Variants in SHLD2 observed in about 807,000 individuals in gnomAD.
SHLD2 encodes the protein RINN1-REV7-interacting novel NHEJ regulator 2.
Under a neutral mutation model 73.2 loss-of-function variants are expected in SHLD2, and 30 were observed. The ratio of observed to expected loss-of-function variants is 0.41; its 90% CI spans 0.31 to 0.56. SHLD2 has a LOEUF of 0.56. Among genes scored for constraint, SHLD2 ranks in the 20% least tolerant of loss-of-function variants. The pLI, the probability that SHLD2 is intolerant of heterozygous loss-of-function variation, is 0.28. For missense variants in SHLD2, 745 were observed against 1,055.9 expected (o/e 0.71, Z 4.08); for synonymous variants, 285 against 370.1 (o/e 0.77, Z 2.64).
At chr10:87,153,138 C>T (rs1846134961) in intron 3 of SHLD2, among the ~76,000 whole-genome samples, 1 of 152,098 alleles carries the variant, frequency 6.6e-6, no homozygotes, top group East Asian at 1.9e-4. Flanking sequence ...ATAAGCCTTC[C>T]CTAGTCAGGT....
chr10:87,124,580 T>G (rs2984861), intron 2 of SHLD2, among the ~76,000 whole-genome samples: 104,720 of 151,888 alleles, frequency 0.69, 36,704 homozygotes, highest in East Asian at 0.84. Context: ...CGTTAATTGT[T>G]TTGGGTGGTT....
chr10:87,094,818 T>G, upstream of SHLD2: 6 of 1,385,386 alleles, frequency 4.3e-6, no homozygotes, highest in Non-Finnish European at 5.9e-6. This position sits in a 1 kb window ranked among gnomAD's most constrained non-coding sequence, Gnocchi z 6.6. Context: ...CAGGCGCGCT[T>G]TCTCAGACTC....
At chr10:87,165,968 C>T (rs1303753036) in intron 4 of SHLD2, among the ~76,000 whole-genome samples, 1 of 152,056 alleles carries the variant, frequency 6.6e-6, no homozygotes, top group Non-Finnish European at 1.5e-5. Flanking sequence ...ACAAAGAAAG[C>T]TTTTGATAAA....
chr10:87,113,438 A>T (rs2134019621), intron 2 of SHLD2, among the ~76,000 whole-genome samples: 1 of 152,360 alleles, frequency 6.6e-6, no homozygotes, highest in East Asian at 1.9e-4. Flanking sequence ...CCTTAAAAAC[A>T]TTATGCTGAG....
chr10:87,169,198 C>T (rs12255996), intron 4 of SHLD2, among the ~76,000 whole-genome samples: 5,620 of 152,104 alleles, frequency 0.037, 335 homozygotes, highest in African/African-American at 0.12. Flanking sequence ...TCATGAAAAA[C>T]GAAGCCCAGA....
chr10:87,120,334 G>A (rs1316474460), intron 2 of SHLD2, among the ~76,000 whole-genome samples: 2 of 151,428 alleles, frequency 1.3e-5, no homozygotes, highest in Non-Finnish European at 1.5e-5. Context: ...TGCAAGCTCC[G>A]CCTCCCAGGT....
intron 1 of SHLD2, among the ~76,000 whole-genome samples, chr10:87,095,559 GC>G (rs1172598956): frequency 2.0e-5 from 3 of 152,246 alleles, no homozygotes; most frequent in Non-Finnish European, 4.4e-5. Flanking sequence ...CGGGCTGAGG[GC>G]TCGGCGTCAC....
chr10:87,120,436 A>T (rs1410405901), intron 2 of SHLD2, among the ~76,000 whole-genome samples: 1 of 151,824 alleles, frequency 6.6e-6, no homozygotes, highest in African/African-American at 2.4e-5. Context: ...TTTAGTAGAG[A>T]CAGGGTTTCA....
At chr10:87,182,691 T>G (rs1385988301) in intron 8 of SHLD2, among the ~76,000 whole-genome samples, 3 of 152,128 alleles carry the variant, frequency 2.0e-5, no homozygotes, top group African/African-American at 7.2e-5. Flanking sequence ...AAGGCTCCTA[T>G]TTAGGCAGCA....
rs1199178301 is a variant in SHLD2, at chr10:87,140,326, A to G, written c.-5-11024A>G. Among the ~76,000 whole-genome samples, 4 of 151,158 alleles carry G rather than the reference A, an allele frequency of 2.6e-5. No individual in the cohort carries two copies. In the South Asian group the frequency reaches 8.4e-4, roughly 32 times the overall value. ...TCTCAGCTTCTTGGGAGGCTGAAGCATGAGAATTGCTTGAGCCAGGGAGAT... is the reference window on the plus strand; with the variant it reads ...TCTCAGCTTCTTGGGAGGCTGAAGCGTGAGAATTGCTTGAGCCAGGGAGAT... On this transcript the variant is annotated intron_variant, in intron 2 of 9. Coordinates refer to ENST00000298786, the MANE Select transcript of SHLD2 (RefSeq NM_001330112.2).
At chr10:87,128,050 A>G (rs974933003) in intron 2 of SHLD2, among the ~76,000 whole-genome samples, 1 of 151,990 alleles carries the variant, frequency 6.6e-6, no homozygotes, top group African/African-American at 2.4e-5. Flanking sequence ...CCCATATTCC[A>G]TATTTTTTAA....
At chr10:87,167,392 T>G (rs1237576439) in intron 4 of SHLD2, among the ~76,000 whole-genome samples, 3 of 152,210 alleles carry the variant, frequency 2.0e-5, no homozygotes, top group African/African-American at 7.2e-5. Context: ...TTTTTATTGA[T>G]GTAGGGAAAT....
intron 2 of SHLD2, among the ~76,000 whole-genome samples, chr10:87,106,720 A>G (rs912170261): frequency 1.1e-4 from 17 of 152,266 alleles, no homozygotes; most frequent in African/African-American, 3.9e-4. Flanking sequence ...AATGATTTCA[A>G]CAGACTTTTA....
chr10:87,117,701 G>T (rs1292156524), intron 2 of SHLD2, among the ~76,000 whole-genome samples: 1 of 152,072 alleles, frequency 6.6e-6, no homozygotes, highest in African/African-American at 2.4e-5. Context: ...AGGCTGAGGT[G>T]GGAGGATCTC....
chr10:87,157,350 T>C (rs1447768279), intron 3 of SHLD2, among the ~76,000 whole-genome samples: 1 of 152,240 alleles, frequency 6.6e-6, no homozygotes, highest in Admixed American at 6.5e-5. Flanking sequence ...TTTATACCTC[T>C]GACACTGTAT....
At chr10:87,173,266 G>A (rs907937722) in intron 6 of SHLD2, among the ~76,000 whole-genome samples, 1 of 151,840 alleles carries the variant, frequency 6.6e-6, no homozygotes, top group Non-Finnish European at 1.5e-5. Flanking sequence ...GATCTCAGGT[G>A]ATTCACCCGC....
Position 87,183,732 on chromosome 10 carries a change from A to G in SHLD2, c.2400-3353A>G, listed in dbSNP as rs183751232. 2.4e-3 allele frequency among the ~76,000 whole-genome samples: 373 copies of G among 152,310 alleles called. 3 individuals are homozygous for G. Among genetic ancestry groups the G allele is most frequent in the South Asian group, 0.024 (118 of 4,820 alleles). The stretch of plus-strand genomic sequence containing the variant: ...TTACACTTTTGATGTTGCCTGAGGC[A>G]TGGATACTTCTTTCCTCACTCTAAC... On this transcript the variant is annotated intron_variant, in intron 8 of 9. Transcript: ENST00000298786.
At chr10:87,144,236 G>A (rs534007918) in intron 2 of SHLD2, among the ~76,000 whole-genome samples, 2,292 of 152,112 alleles carry the variant, frequency 0.015, 60 homozygotes, top group African/African-American at 0.052. Context: ...GACTTTATTG[G>A]GAGAAGGCAA....
chr10:87,148,131 G>A (rs1368017949), intron 2 of SHLD2, among the ~76,000 whole-genome samples: 1 of 152,192 alleles, frequency 6.6e-6, no homozygotes, highest in African/African-American at 2.4e-5. Flanking sequence ...GATTACAGGC[G>A]TGAGCCAAGG....
Sources: allele counts gnomAD v4.1 joint callset (sites outside exome capture counted in the v4.1 genomes callset), GRCh38; gene constraint gnomAD v4.1.1; non-coding constraint Gnocchi (gnomAD v3.1); transcripts MANE v1.5; gene names NCBI Gene and HGNC (gene_info 2026-07-23, HGNC 2026-07-21).